HHLA2: variants seen among roughly 807,000 people sequenced by gnomAD.
The protein encoded by HHLA2 is HHLA2 member of B7 family, also known as HERV-H LTR-associating protein 2.
Under a neutral mutation model 45.9 loss-of-function variants are expected in HHLA2, and 48 were observed. The observed-to-expected ratio is 1.05, with a 90% CI of 0.83 to 1.33. HHLA2 has a LOEUF of 1.33. HHLA2 is among the 40% of genes most tolerant of loss of function. HHLA2 has a pLI of 0.00. For missense variants in HHLA2, 462 were observed against 494.3 expected, an observed-to-expected ratio of 0.93 and a Z score of 0.62; for synonymous variants, 161 against 173.9, an observed-to-expected ratio of 0.93 and a Z score of 0.59.
intron 2 of HHLA2, among the ~76,000 whole-genome samples, chr3:108,318,559 A>C (rs55885533): frequency 0.19 from 29,064 of 152,174 alleles, 3,305 homozygotes; most frequent in East Asian, 0.53. Context: ...TGGAAATAAA[A>C]AATCACCCAA....
chr3:108,371,036 A>G (rs571922544), intron 8 of HHLA2, among the ~76,000 whole-genome samples: 27 of 152,232 alleles, frequency 1.8e-4, no homozygotes, highest in Non-Finnish European at 3.5e-4. Context: ...CAGATTCACC[A>G]AAGTTGAAAT....
chr3:108,325,581 C>T (rs2081273060), intron 2 of HHLA2: 2 of 253,478 alleles, frequency 7.9e-6, no homozygotes, highest in South Asian at 5.4e-5. Flanking sequence ...GTATTGGCCT[C>T]CCCCACCATA....
chr3:108,324,680 A>G (rs972841717), intron 2 of HHLA2, among the ~76,000 whole-genome samples: 4 of 152,182 alleles, frequency 2.6e-5, no homozygotes, highest in Non-Finnish European at 5.9e-5. Context: ...TAAACAGTAC[A>G]GTTAAGTTTT....
intron 6 of HHLA2, among the ~76,000 whole-genome samples, chr3:108,356,963 C>A (rs1484293437): frequency 6.6e-6 from 1 of 152,054 alleles, no homozygotes; most frequent in Non-Finnish European, 1.5e-5. Context: ...GTAAAAAGCA[C>A]AGAAAAGTAA....
intron 7 of HHLA2, 50 bp downstream of exon 6, chr3:108,358,211 G>A (rs1353289342): frequency 2.3e-6 from 3 of 1,327,182 alleles, no homozygotes; most frequent in East Asian, 2.3e-5. Flanking sequence ...AGCATTAGAG[G>A]TTTGTGAATA....
chr3:108,328,108 G>A (rs974831700), intron 2 of HHLA2, among the ~76,000 whole-genome samples: 3 of 152,082 alleles, frequency 2.0e-5, no homozygotes, highest in Admixed American at 6.6e-5. Flanking sequence ...ACTCCAGCCT[G>A]GGCAACAGAA....
intron 7 of HHLA2, among the ~76,000 whole-genome samples, chr3:108,358,724 T>C (rs1293300408): frequency 6.6e-6 from 1 of 152,226 alleles, no homozygotes; most frequent in Non-Finnish European, 1.5e-5. Flanking sequence ...GAATATATAC[T>C]CATGAAGCTG....
Position 108,362,238 on chromosome 3 carries a change from G to A in HHLA2, c.1004-104G>A, listed in dbSNP as rs199915052. 4 of 794,080 alleles carry A rather than the reference G, an allele frequency of 5.0e-6. No homozygotes were observed. In the African/African-American group the frequency reaches 5.3e-5, roughly 10 times the overall value. 49.2% of individuals were successfully genotyped at this position (794,080 alleles called of 1,614,324 possible). On this transcript the variant is annotated intron_variant, in intron 7 of 10. Coordinates refer to ENST00000619531, the Ensembl canonical transcript of HHLA2. ...CCTACCTGTAATGCAGAAATAACTA[G>A]TTTTTAAAATAGTAAACATACTCCA...
chr3:108,315,880 G>C (rs1396200464), intron 2 of HHLA2, among the ~76,000 whole-genome samples: 1 of 152,154 alleles, frequency 6.6e-6, no homozygotes, highest in African/African-American at 2.4e-5. Context: ...TGGTTTATAT[G>C]TGCTGGATGT....
intron 3 of HHLA2, among the ~76,000 whole-genome samples, chr3:108,349,920 A>T (rs2081746070): frequency 3.9e-5 from 6 of 152,192 alleles, no homozygotes; most frequent in Admixed American, 3.3e-4. Context: ...ATGAACCTCT[A>T]GCAAGACAAT....
Position 108,375,261 on chromosome 3 carries a change from T to C in HHLA2, c.1109-489T>C, listed in dbSNP as rs939880154. Among the ~76,000 whole-genome samples, 52 of 144,316 alleles carry C rather than the reference T, an allele frequency of 3.6e-4. 1 individual carries two copies. Among genetic ancestry groups the C allele is most frequent in the Non-Finnish European group, 4.0e-4 (27 of 67,246 alleles). 94.7% of individuals were successfully genotyped at this position (144,316 alleles called of 152,430 possible). A position where few individuals can be genotyped will look rare whatever the true frequency, so the allele number is the denominator to read the frequency against. On this transcript the variant is annotated intron_variant, in intron 8 of 10. Coordinates refer to ENST00000619531, the Ensembl canonical transcript of HHLA2. Reference sequence around the variant, plus strand: ...ACCAAACACGGCATATTCTCACTCATAGGTGGGAATTGAACAATGAGAACA... The same window carrying C: ...ACCAAACACGGCATATTCTCACTCACAGGTGGGAATTGAACAATGAGAACA...
intron 7 of HHLA2, among the ~76,000 whole-genome samples, chr3:108,361,929 T>A (rs975522849): frequency 7.9e-5 from 12 of 152,204 alleles, no homozygotes; most frequent in African/African-American, 2.9e-4. Flanking sequence ...TGGACATAAT[T>A]ATTCCTTTAT....
chr3:108,299,596 G>A (rs769174276), intron 1 of HHLA2, among the ~76,000 whole-genome samples: 5 of 152,004 alleles, frequency 3.3e-5, no homozygotes, highest in African/African-American at 4.8e-5. Context: ...GAAATGCTAC[G>A]CTGAGTGGAG....
At chr3:108,372,870 T>G (rs1013148729) in intron 8 of HHLA2, among the ~76,000 whole-genome samples, 8 of 152,176 alleles carry the variant, frequency 5.3e-5, no homozygotes, top group African/African-American at 1.7e-4. Flanking sequence ...CAGGACCAGA[T>G]GGATTCACAG....
chr3:108,300,488 G>C (rs2080831648), intron 1 of HHLA2, among the ~76,000 whole-genome samples: 2 of 152,268 alleles, frequency 1.3e-5, no homozygotes, highest in Admixed American at 1.3e-4. Context: ...TAAACCAGGT[G>C]AGCCAATAAT....
At chr3:108,360,899 C>T (rs2107480391) in intron 7 of HHLA2, among the ~76,000 whole-genome samples, 1 of 152,274 alleles carries the variant, frequency 6.6e-6, no homozygotes, top group East Asian at 1.9e-4. Flanking sequence ...TTGTAAAACA[C>T]TATAGTATGT....
intron 2 of HHLA2, among the ~76,000 whole-genome samples, chr3:108,320,404 G>A (rs548136690): frequency 6.6e-6 from 1 of 152,266 alleles, no homozygotes; most frequent in South Asian, 2.1e-4. Context: ...TTAAGTTGGT[G>A]CAAAAGCAAT....
At position 108,357,752 on chromosome 3, in the gene HHLA2, G is replaced by T. The variant is rs984320333; in HGVS notation, c.686-92G>T. ...GTTATTTCCAAATATATCAGTATTA[G>T]TGCCTTTGTTCTCTGCTTTCTAAGT... On this transcript the variant is annotated intron_variant, in intron 6 of 10. Transcript: ENST00000619531. 2.0e-5 allele frequency: 20 copies of T among 1,018,904 alleles called. No homozygotes were observed. In the Admixed American group the frequency reaches 3.8e-4, roughly 19 times the overall value. 63.1% of individuals were successfully genotyped at this position (1,018,904 alleles called of 1,614,324 possible). A position where few individuals can be genotyped will look rare whatever the true frequency, so the allele number is the denominator to read the frequency against.
At chr3:108,310,059 G>C (rs114899339) in intron 1 of HHLA2, among the ~76,000 whole-genome samples, 141 of 152,022 alleles carry the variant, frequency 9.3e-4, no homozygotes, top group Non-Finnish European at 1.8e-3. Flanking sequence ...GTCATTACAG[G>C]CTCTTTAAAG....
Sources: allele counts gnomAD v4.1 joint callset (sites outside exome capture counted in the v4.1 genomes callset), GRCh38; gene constraint gnomAD v4.1.1; transcripts MANE v1.5; gene names NCBI Gene and HGNC (gene_info 2026-07-23, HGNC 2026-07-21).